Variants in CRTC1 observed in about 807,000 individuals in gnomAD.
CRTC1 encodes the protein CREB-regulated transcription coactivator 1.
In CRTC1, 18 loss-of-function variants were observed where a neutral mutation model predicts 66.1. The ratio of observed to expected loss-of-function variants is 0.27; its 90% CI spans 0.19 to 0.40. The LOEUF is 0.40. Ranked by LOEUF, CRTC1 falls within the 10% of genes least tolerant of loss-of-function variation. The pLI is 1.00. For missense variants in CRTC1, 669 were observed against 887.9 expected (o/e 0.75, Z 3.13); for synonymous variants, 416 against 398.8 (o/e 1.04, Z -0.51).
At chr19:18,751,485 G>A (rs1347235200) in intron 5 of CRTC1, among the ~76,000 whole-genome samples, 1 of 151,998 alleles carries the variant, frequency 6.6e-6, no homozygotes, top group Non-Finnish European at 1.5e-5. Flanking sequence ...CCAAGATCAC[G>A]CCACTGCACT....
At chr19:18,697,356 T>A (rs1251878699) in intron 1 of CRTC1, among the ~76,000 whole-genome samples, 1 of 151,850 alleles carries the variant, frequency 6.6e-6, no homozygotes, top group African/African-American at 2.4e-5. Context: ...GCCTCTTTTT[T>A]TTTGGAGTGC....
intron 1 of CRTC1, among the ~76,000 whole-genome samples, chr19:18,724,092 A>T (rs2053689187): frequency 6.6e-6 from 1 of 152,162 alleles, no homozygotes; most frequent in South Asian, 2.1e-4. Context: ...CGACACCGTG[A>T]GCCCAGGCTT....
Position 18,769,168 on chromosome 19 carries a change from C to T in CRTC1, c.1320+375C>T, listed in dbSNP as rs79486201. On this transcript the variant is annotated intron_variant, in intron 10 of 13. Coordinates refer to ENST00000321949, the MANE Select transcript of CRTC1 (RefSeq NM_015321.3). ...GGCGCAGGCCGGGGGCCGGGGATGA[C>T]GTGAGCTTATCAGAGAAGGAAAGAC... Among the ~76,000 whole-genome samples, 748 of 152,286 alleles carry T rather than the reference C, an allele frequency of 4.9e-3. 7 individuals are homozygous for T. Among genetic ancestry groups the T allele is most frequent in the Non-Finnish European group, 8.7e-3 (591 of 68,024 alleles).
chr19:18,747,129 ACCCCC>A lies in CRTC1; in HGVS notation c.443+21_443+25del. ...AGCTGGAGAAGGTCAGTGGCTGGAC[ACCCCC>A]CCCCCGCCCCCTTCTTGTTGGAAAC... On this transcript the variant is annotated intron_variant, in intron 4 of 13. Transcript: ENST00000321949. 11 of 1,106,558 alleles carry A rather than the reference ACCCCC, an allele frequency of 9.9e-6. No individual in the cohort carries two copies. Among genetic ancestry groups the A allele is most frequent in the African/African-American group, 4.4e-5 (2 of 45,504 alleles). 68.5% of individuals were successfully genotyped at this position (1,106,558 alleles called of 1,614,324 possible). A position where few individuals can be genotyped will look rare whatever the true frequency, so the allele number is the denominator to read the frequency against.
At chr19:18,690,315 A>G (rs2145470167) in intron 1 of CRTC1, among the ~76,000 whole-genome samples, 1 of 152,264 alleles carries the variant, frequency 6.6e-6, no homozygotes, top group East Asian at 1.9e-4. Flanking sequence ...GGCACAGCGC[A>G]GTGGTGGCTC....
intron 9 of CRTC1, among the ~76,000 whole-genome samples, chr19:18,767,608 C>T (rs1368667778): frequency 6.6e-6 from 1 of 152,320 alleles, no homozygotes; most frequent in East Asian, 1.9e-4. Context: ...CTCCCCGCCC[C>T]TCGGCCCCCA....
chr19:18,762,675 C>T (rs1435553689), intron 8 of CRTC1, among the ~76,000 whole-genome samples: 1 of 152,236 alleles, frequency 6.6e-6, no homozygotes, highest in Non-Finnish European at 1.5e-5. Flanking sequence ...CCCCTGGCAG[C>T]TCTCCCTGCC....
At chr19:18,700,708 CT>C (rs1305206986) in intron 1 of CRTC1, among the ~76,000 whole-genome samples, 2 of 152,172 alleles carry the variant, frequency 1.3e-5, no homozygotes, top group Non-Finnish European at 2.9e-5. Context: ...AGCAGGGCGC[CT>C]GGGACTGGCT....
At position 18,696,767 on chromosome 19, in the gene CRTC1, G is replaced by A. The variant is rs2052998644; in HGVS notation, c.126+12939G>A. ...TGCCTGGGAATGGCCCCACCTGTGT[G>A]TCCCTGAGCCCCCTCCAGTAGGGAG... On this transcript the variant is annotated intron_variant, in intron 1 of 13. Coordinates refer to ENST00000321949, the MANE Select transcript of CRTC1 (RefSeq NM_015321.3). 1.3e-5 allele frequency among the ~76,000 whole-genome samples: 2 copies of A among 151,480 alleles called. 1 individual carries two copies. The highest frequency in any genetic ancestry group is 4.2e-4 in the South Asian group (2 of 4,804).
chr19:18,693,210 G>A (rs2052892740), intron 1 of CRTC1, among the ~76,000 whole-genome samples: 1 of 151,816 alleles, frequency 6.6e-6, no homozygotes, highest in Admixed American at 6.6e-5. Context: ...GCAACATAGT[G>A]AAACTCTGTC....
chr19:18,747,558 G>A (rs916258777), intron 4 of CRTC1, among the ~76,000 whole-genome samples: 5 of 152,110 alleles, frequency 3.3e-5, no homozygotes, highest in South Asian at 4.1e-4. Context: ...AATTGAACCC[G>A]GGAGGCGGAG....
At position 18,689,564 on chromosome 19, in the gene CRTC1, C is replaced by CATATATATAT. The variant is rs10616884; in HGVS notation, c.126+5749_126+5758dup. On this transcript the variant is annotated intron_variant, in intron 1 of 13. Coordinates refer to ENST00000321949, the MANE Select transcript of CRTC1 (RefSeq NM_015321.3). Reference sequence around the variant, plus strand: ...CATCTCAAAAAAAAAAATTGATGGCCATATATATATATATATATATATGTA... The same window carrying CATATATATAT: ...CATCTCAAAAAAAAAAATTGATGGCCATATATATATATATATATATATATATATATATGTA... Among the ~76,000 whole-genome samples, 46 of 38,336 alleles carry CATATATATAT rather than the reference C, an allele frequency of 1.2e-3. No homozygotes were observed. The African/African-American group carries it at 0.012, about 10-fold the overall frequency. 25.1% of individuals were successfully genotyped at this position (38,336 alleles called of 152,430 possible).
At chr19:18,755,925 C>CG (rs1254461818) in intron 6 of CRTC1, among the ~76,000 whole-genome samples, 2 of 151,812 alleles carry the variant, frequency 1.3e-5, no homozygotes, top group Non-Finnish European at 2.9e-5. Context: ...TTGTTAAAGA[C>CG]GGGGGTCTCA....
rs1402968881 is a variant in CRTC1 at position 18,778,660 on chromosome 19, C to CAG, written c.*1281_*1282dup. The CAG allele has an allele frequency of 4.3e-6, 1 of 230,784 alleles. No individual in the cohort carries two copies. Among genetic ancestry groups the CAG allele is most frequent in the Non-Finnish European group, 8.6e-6 (1 of 116,516 alleles). 14.3% of individuals were successfully genotyped at this position (230,784 alleles called of 1,614,324 possible). ...AAAGACCCAGCCTGCCAGCCTCTCC[C>CAG]AGAGGTGCCTGCTAGTCCTTAGAGT... On this transcript the variant is annotated 3_prime_UTR_variant, in exon 14 of 14. Coordinates refer to ENST00000321949, the MANE Select transcript of CRTC1 (RefSeq NM_015321.3).
At chr19:18,704,889 C>T (rs1436530706) in intron 1 of CRTC1, among the ~76,000 whole-genome samples, 8 of 146,682 alleles carry the variant, frequency 5.5e-5, no homozygotes, top group African/African-American at 2.0e-4. Flanking sequence ...ATTAAACACT[C>T]ACCCACCCAC....
At position 18,745,901 on chromosome 19, in the gene CRTC1, C is replaced by T; in HGVS notation, c.322C>T (p.Arg108Cys). 3.7e-6 allele frequency: 6 copies of T among 1,613,312 alleles called. No individual in the cohort carries two copies. Among genetic ancestry groups the T allele is most frequent in the Non-Finnish European group, 4.2e-6 (5 of 1,179,874 alleles). ...HGLVDRVYRERGRLGSPHRRP... is the reference protein window; with the variant it reads ...HGLVDRVYRECGRLGSPHRRP... ...GCTGGTGGACAGGGTGTACCGGGAGCGTGGCCGGCTCGGCTCCCCACACCG... is the reference window on the plus strand; with the variant it reads ...GCTGGTGGACAGGGTGTACCGGGAGTGTGGCCGGCTCGGCTCCCCACACCG... The change falls in exon 3 of 14, where the codon CGT becomes TGT. Residue 108 changes from arginine (R) to cysteine (C), a missense_variant. Arg to Cys is a radical substitution (Grantham distance 180). Coordinates refer to ENST00000321949, the MANE Select transcript of CRTC1 (RefSeq NM_015321.3).
chr19:18,769,710 T>A (rs557462002), intron 10 of CRTC1, among the ~76,000 whole-genome samples: 1 of 152,150 alleles, frequency 6.6e-6, no homozygotes, highest in East Asian at 1.9e-4. Flanking sequence ...AGCTGGGTGG[T>A]TCTTGGAGTC....
At chr19:18,709,684 A>C (rs1727995721) in intron 1 of CRTC1, among the ~76,000 whole-genome samples, 1 of 151,948 alleles carries the variant, frequency 6.6e-6, no homozygotes, top group Admixed American at 6.5e-5. Flanking sequence ...CACCTGGGGG[A>C]GATGGGTCCC....
At chr19:18,746,173 TGGG>T (rs1170188347) in intron 3 of CRTC1, among the ~76,000 whole-genome samples, 2 of 152,010 alleles carry the variant, frequency 1.3e-5, no homozygotes, top group Non-Finnish European at 2.9e-5. Context: ...TGGCCAGACT[TGGG>T]GGCTCAAGGG....
Sources: gnomAD v4.1 joint callset for allele counts (sites outside exome capture counted in the v4.1 genomes callset) on GRCh38, gnomAD v4.1.1 for gene constraint, MANE v1.5 for transcripts, NCBI Gene and HGNC (gene_info 2026-07-23, HGNC 2026-07-21) for gene names.